The following EIF2B2 variants were observed in gnomAD, a reference collection of about 807,000 sequenced individuals.
EIF2B2 encodes the protein translation initiation factor eIF2B subunit beta.
EIF2B2 carries 34 observed loss-of-function variants against 34.7 expected under a neutral mutation model. The observed-to-expected ratio is 0.98, with a 90% CI of 0.75 to 1.31. The LOEUF is 1.31. Ranked by LOEUF, EIF2B2 falls within the 50% of genes most tolerant of loss-of-function variation. The pLI, the probability that EIF2B2 is intolerant of heterozygous loss-of-function variation, is 0.00. For missense variants in EIF2B2, 361 were observed against 447.7 expected (o/e 0.81, Z 1.75); for synonymous variants, 155 against 171.6 (o/e 0.90, Z 0.76).
In EIF2B2 at chr14:75,010,264, C is replaced by T. The variant is rs534169655; in HGVS notation, c.*1076C>T. The T allele has an allele frequency of 2.6e-5, 4 of 152,244 alleles. No homozygotes were observed. The South Asian group carries it at 8.3e-4, about 32-fold the overall frequency. 9.4% of individuals were successfully genotyped at this position (152,244 alleles called of 1,614,324 possible). ...ATAGTCTCATGTAGTGTTTATAGGACTATAAATTGGTACAGCCTTTTAGAG... is the reference window on the plus strand; with the variant it reads ...ATAGTCTCATGTAGTGTTTATAGGATTATAAATTGGTACAGCCTTTTAGAG... On this transcript the variant is annotated 3_prime_UTR_variant, in exon 8 of 8. Coordinates refer to ENST00000266126, the MANE Select transcript of EIF2B2 (RefSeq NM_014239.4).
chr14:75,003,018 G>T lies in EIF2B2; in HGVS notation c.28G>T (p.Glu10Ter). MPGSAAKGSELSERIESFVE... is the reference protein window; with the variant it reads MPGSAAKGS The stretch of plus-strand genomic sequence containing the variant: ...GCCGGGATCCGCAGCGAAGGGCTCG[G>T]AGTTGTCAGAGAGGATCGAGAGCTT... The change falls in exon 1 of 8, where the codon GAG becomes TAG. Residue 10 changes from glutamate to a stop codon, truncating the protein, a stop_gained. Coordinates refer to ENST00000266126, the MANE Select transcript of EIF2B2 (RefSeq NM_014239.4). LOFTEE classifies it high-confidence loss of function. 2.5e-6 allele frequency: 4 copies of T among 1,614,166 alleles called. No homozygotes were observed. Among genetic ancestry groups the T allele is most frequent in the Non-Finnish European group, 3.4e-6 (4 of 1,180,034 alleles).
chr14:75,007,275 G>A (rs1281448705), intron 6 of EIF2B2: 5 of 356,580 alleles, frequency 1.4e-5, no homozygotes, highest in African/African-American at 8.5e-5. Context: ...CCACTCTCTA[G>A]TTTCAAAACT....
At chr14:75,007,501 G>T in intron 6 of EIF2B2, 1 of 457,996 alleles carries the variant, frequency 2.2e-6, no homozygotes, top group Non-Finnish European at 4.0e-6. Flanking sequence ...TTCCTTTCGA[G>T]GCTGAATAAT....
At chr14:75,004,936 GA>G (rs753161850) in intron 4 of EIF2B2, 36 bp downstream of exon 4, 9 of 1,604,578 alleles carry the variant, frequency 5.6e-6, no homozygotes, top group Admixed American at 1.7e-5. Context: ...TAAGAAAAAT[GA>G]AAAATGAAGA....
chr14:75,003,613 G>A lies in EIF2B2; in HGVS notation c.347G>A (p.Gly116Glu). 2 of 1,614,170 alleles carry A rather than the reference G, an allele frequency of 1.2e-6. No homozygotes were observed. The highest frequency in any genetic ancestry group is 2.2e-5 in the South Asian group (2 of 91,080). Residue 116 changes from glycine to glutamate, a missense_variant, in exon 3 of 8, where the codon GGA becomes GAA. Gly to Glu is a moderately conservative substitution (Grantham distance 98, BLOSUM62 -2). Coordinates refer to ENST00000266126, the MANE Select transcript of EIF2B2 (RefSeq NM_014239.4). ...TCCCTGCACAAACTGTTGACATCCG[G>A]AGGCCTAAACGAGGATTTCAGCTTC... ...QESLHKLLTS[G>E]GLNEDFSFHY...
At position 75,003,429 on chromosome 14, in the gene EIF2B2, C is replaced by T. The variant is rs756670980; in HGVS notation, c.284+34C>T. ...CACGTCCTGGGCTCCTGGTTGGATC[C>T]AGTGACACTTTTTGCACGGGCCCCT... On this transcript the variant is annotated intron_variant, in intron 2 of 7. Coordinates refer to ENST00000266126, the MANE Select transcript of EIF2B2 (RefSeq NM_014239.4). 5.6e-6 allele frequency: 9 copies of T among 1,613,828 alleles called. No homozygotes were observed. The East Asian group carries it at 2.0e-4, about 36-fold the overall frequency.
chr14:75,003,551 A>T lies in EIF2B2; in HGVS notation c.285A>T (p.Arg95Ser). The T allele has an allele frequency of 2.5e-6, 4 of 1,613,786 alleles. No individual in the cohort carries two copies. Among genetic ancestry groups the T allele is most frequent in the African/African-American group, 1.3e-5 (1 of 74,914 alleles). Residue 95 changes from arginine (R) to serine (S), a missense_variant and splice_region_variant, in exon 3 of 8, where the codon AGA (arginine) becomes AGT (serine). Transcript: ENST00000266126. ...VLKIIREEYGRLHGRSDESDQ... is the reference protein window; with the variant it reads ...VLKIIREEYGSLHGRSDESDQ... ...TCTTTGGGTCTTGTTGCCTCTATAG[A>T]CTCCATGGACGCAGCGACGAGAGTG... is the stretch of plus-strand genomic sequence containing the variant.
chr14:75,011,276 A>G lies in EIF2B2; in HGVS notation c.*2088A>G, dbSNP rs1889700971. On this transcript the variant is annotated 3_prime_UTR_variant, in exon 8 of 8. Transcript: ENST00000266126. ...TACCAAGCACAGCAAGCAGAGGGAC[A>G]TCCTCTAATTTTGTTGACATGTTTA... 6.6e-6 allele frequency: 1 copy of G among 152,220 alleles called. No homozygotes were observed. Among genetic ancestry groups the G allele is most frequent in the African/African-American group, 2.4e-5 (1 of 41,462 alleles). The allele number at this position is 152,220 out of a possible 1,614,324, so 9.4% of individuals were successfully genotyped here.
At chr14:75,005,793 CA>C in intron 4 of EIF2B2, 72 bp from the exon 5 acceptor site, 4 of 1,123,362 alleles carry the variant, frequency 3.6e-6, no homozygotes, top group Non-Finnish European at 5.4e-6. Flanking sequence ...TCCCCAGATC[CA>C]GTTACATTTG....
At position 75,004,690 on chromosome 14, in the gene EIF2B2, T is replaced by TATATATATA. The variant is rs764926377; in HGVS notation, c.434-47_434-46insATATATATA. On this transcript the variant is annotated intron_variant, in intron 3 of 7. Coordinates refer to ENST00000266126, the MANE Select transcript of EIF2B2 (RefSeq NM_014239.4). ...TCATATATATATATATATATATATATTTTTTTTTTTTTTTTTTTTTTTTTT... is the reference window on the plus strand; with the variant it reads ...TCATATATATATATATATATATATATATATATATATTTTTTTTTTTTTTTTTTTTTTTTT... The TATATATATA allele has an allele frequency of 6.7e-4, 61 of 90,564 alleles. 2 individuals carry two copies. The Admixed American group carries it at 0.044, about 65-fold the overall frequency. The allele number at this position is 90,564 out of a possible 1,614,324, so 5.6% of individuals were successfully genotyped here.
At position 75,005,503 on chromosome 14, in the gene EIF2B2, G is replaced by C. The variant is rs539487552; in HGVS notation, c.598-363G>C. Among the ~76,000 whole-genome samples, 12 of 152,292 alleles carry C rather than the reference G, an allele frequency of 7.9e-5. No individual in the cohort carries two copies. In the South Asian group the frequency reaches 1.9e-3, roughly 24 times the overall value. On this transcript the variant is annotated intron_variant, in intron 4 of 7. Transcript: ENST00000266126. ...TTGGTCTGACCTCACTTGATCCTAAGTAAATAATAGGTCTCAAAAAGGAAA... is the reference window on the plus strand; with the variant it reads ...TTGGTCTGACCTCACTTGATCCTAACTAAATAATAGGTCTCAAAAAGGAAA...
chr14:75,008,068 A>G (rs1889653293), intron 7 of EIF2B2: 2 of 383,114 alleles, frequency 5.2e-6, no homozygotes, highest in Admixed American at 4.3e-5. Flanking sequence ...TTGGCTTTGC[A>G]TGCTGTTTGA....
Position 75,006,096 on chromosome 14 carries a change from T to A in EIF2B2, c.693+135T>A. ...TTCAAAGTACATACTTAGGCCTTTT[T>A]AATCTGTTAACTGAATTTCTTTTCC... is the stretch of plus-strand genomic sequence containing the variant. On this transcript the variant is annotated intron_variant, in intron 5 of 7. Coordinates refer to ENST00000266126, the MANE Select transcript of EIF2B2 (RefSeq NM_014239.4). The surrounding 1 kb of genome is among the most constrained non-coding windows in gnomAD (Gnocchi z 4.1). 1 of 766,120 alleles carries A rather than the reference T, an allele frequency of 1.3e-6. No individual in the cohort carries two copies. The highest frequency in any genetic ancestry group is 2.3e-6 in the Non-Finnish European group (1 of 434,812). The allele number at this position is 766,120 out of a possible 1,614,324, so 47.5% of individuals were successfully genotyped here. A position where few individuals can be genotyped will look rare whatever the true frequency, so the allele number is the denominator to read the frequency against.
In EIF2B2 at chr14:75,011,567, T is replaced by G. The variant is rs1261854640; in HGVS notation, c.*2379T>G. The stretch of plus-strand genomic sequence containing the variant: ...TTGATATCTCTTTGAGAGCGATCTT[T>G]GCCTTAGGTCTTCCAGAGAGGGGAA... On this transcript the variant is annotated 3_prime_UTR_variant, in exon 8 of 8. Transcript: ENST00000266126. The G allele has an allele frequency of 6.6e-6, 1 of 152,230 alleles. No homozygotes were observed. Among genetic ancestry groups the G allele is most frequent in the Admixed American group, 6.5e-5 (1 of 15,280 alleles). 9.4% of individuals were successfully genotyped at this position (152,230 alleles called of 1,614,324 possible). A position where few individuals can be genotyped will look rare whatever the true frequency, so the allele number is the denominator to read the frequency against.
In EIF2B2 at chr14:75,009,641, G is replaced by C. The variant is rs1323745955; in HGVS notation, c.*453G>C. The C allele has an allele frequency of 4.1e-6, 1 of 241,514 alleles. No homozygotes were observed. Among genetic ancestry groups the C allele is most frequent in the African/African-American group, 2.3e-5 (1 of 43,986 alleles). 15.0% of individuals were successfully genotyped at this position (241,514 alleles called of 1,614,324 possible). On this transcript the variant is annotated 3_prime_UTR_variant, in exon 8 of 8. Coordinates refer to ENST00000266126, the MANE Select transcript of EIF2B2 (RefSeq NM_014239.4). ...TCTGACAGAACTGCTTGAAACAGCA[G>C]CAGCAGAGCCTTTTTTGTGTTTGCA...
chr14:75,005,449 G>T (rs1358266895), intron 4 of EIF2B2, among the ~76,000 whole-genome samples: 1 of 151,980 alleles, frequency 6.6e-6, no homozygotes, highest in Non-Finnish European at 1.5e-5. Context: ...AATCAAAGCA[G>T]GGTAAATTAC....
At position 75,012,132 on chromosome 14, in the gene EIF2B2, AAGAG is replaced by A. The variant is rs1889714715; in HGVS notation, c.*2948_*2951del. The A allele has an allele frequency of 6.6e-6, 1 of 152,034 alleles. No individual in the cohort carries two copies. The highest frequency in any genetic ancestry group is 2.4e-5 in the African/African-American group (1 of 41,264). The allele number at this position is 152,034 out of a possible 1,614,324, so 9.4% of individuals were successfully genotyped here. Reference sequence around the variant, plus strand: ...TATTTGAGGAGGGGTAAGTATCAGAAAGAGAGAACCTGAACTGAACAGGAGGAAA... The same window carrying A: ...TATTTGAGGAGGGGTAAGTATCAGAAAGAACCTGAACTGAACAGGAGGAAA... On this transcript the variant is annotated 3_prime_UTR_variant, in exon 8 of 8. Coordinates refer to ENST00000266126, the MANE Select transcript of EIF2B2 (RefSeq NM_014239.4).
intron 6 of EIF2B2, 24 bp from the exon 7 acceptor site, chr14:75,007,698 T>C (rs762281421): frequency 3.0e-5 from 49 of 1,607,036 alleles, no homozygotes; most frequent in South Asian, 8.8e-5. Flanking sequence ...GGTCTCTAGT[T>C]TTTATAAATT....
Position 75,003,027 on chromosome 14 carries a change from G to A in EIF2B2, c.37G>A (p.Glu13Lys). The A allele has an allele frequency of 3.1e-6, 5 of 1,614,166 alleles. 1 individual carries two copies. The South Asian group carries it at 4.4e-5, about 14-fold the overall frequency. Residue 13 changes from glutamate to lysine, a missense_variant, in exon 1 of 8, where the codon GAG becomes AAG. By Grantham distance (56) the Glu-to-Lys change is moderately conservative. Transcript: ENST00000266126. ...GSAAKGSELS[E>K]RIESFVETLK... is the part of the protein sequence containing the mutation. The stretch of plus-strand genomic sequence containing the variant: ...CGCAGCGAAGGGCTCGGAGTTGTCA[G>A]AGAGGATCGAGAGCTTCGTGGAGAC...
Sources: gnomAD v4.1 joint callset for allele counts (sites outside exome capture counted in the v4.1 genomes callset) on GRCh38, gnomAD v4.1.1 for gene constraint, Gnocchi (gnomAD v3.1) non-coding constraint, MANE v1.5 for transcripts, NCBI Gene and HGNC (gene_info 2026-07-23, HGNC 2026-07-21) for gene names.